Variants in MEGF8 observed in about 807,000 individuals in gnomAD.
MEGF8 encodes the protein multiple epidermal growth factor-like domains protein 8.
Under a neutral mutation model 302.9 loss-of-function variants are expected in MEGF8, and 156 were observed. The ratio of observed to expected loss-of-function variants is 0.52; its 90% CI spans 0.45 to 0.59. The LOEUF (loss-of-function observed/expected upper bound fraction) is 0.59, where lower values mean the gene tolerates loss of function less well. MEGF8 is among the 20% of genes least tolerant of loss of function. The pLI, the probability that MEGF8 is intolerant of heterozygous loss-of-function variation, is 0.00. For synonymous variants in MEGF8, 1,621 were observed against 1,660.5 expected (o/e 0.98, Z 0.58); for missense variants, 3,345 against 3,964.5 (o/e 0.84, Z 4.20).
chr19:42,376,108 G>A lies in MEGF8; in HGVS notation c.7871G>A (p.Gly2624Glu). The A allele has an allele frequency of 6.2e-7, 1 of 1,606,926 alleles. No homozygotes were observed. Among genetic ancestry groups the A allele is most frequent in the East Asian group, 2.2e-5 (1 of 44,870 alleles). The change falls in exon 42 of 42, where the codon GGG (glycine) becomes GAG (glutamate). Residue 2624 changes from glycine (G) to glutamate (E), a missense_variant. Physicochemically the swap from Gly to Glu is moderately conservative, Grantham distance 98. Transcript: ENST00000251268. This position sits in a 1 kb window ranked among gnomAD's most constrained non-coding sequence, Gnocchi z 8.2. ...LLLLGVGDPS[G>E]PGANGSADSQ... ...CTGCTGGGCGTGGGAGACCCAAGTGGGCCCGGCGCCAACGGCTCAGCCGAC... is the reference window on the plus strand; with the variant it reads ...CTGCTGGGCGTGGGAGACCCAAGTGAGCCCGGCGCCAACGGCTCAGCCGAC...
chr19:42,343,652 G>A (rs1263297581), intron 9 of MEGF8, 21 bp downstream of exon 9: 1 of 1,585,214 alleles, frequency 6.3e-7, no homozygotes, highest in Admixed American at 1.7e-5. Flanking sequence ...GGGTGACAGG[G>A]AAAGGGTGGC....
At position 42,353,233 on chromosome 19, in the gene MEGF8, G is replaced by A; in HGVS notation, c.3550+106G>A. On this transcript the variant is annotated intron_variant, in intron 20 of 41. Transcript: ENST00000251268. This position sits in a 1 kb window ranked among gnomAD's most constrained non-coding sequence, Gnocchi z 6.1. Reference sequence around the variant, plus strand: ...GGGGGCCTCAGTGTCCTCTCATGCAGCTCTAGGTCCCCTGCCCCATTCCTG... The same window carrying A: ...GGGGGCCTCAGTGTCCTCTCATGCAACTCTAGGTCCCCTGCCCCATTCCTG... 1 of 1,141,932 alleles carries A rather than the reference G, an allele frequency of 8.8e-7. No individual in the cohort carries two copies. The highest frequency in any genetic ancestry group is 1.2e-6 in the Non-Finnish European group (1 of 821,250). The allele number at this position is 1,141,932 out of a possible 1,614,324, so 70.7% of individuals were successfully genotyped here.
At chr19:42,329,875 GAA>G (rs773136200) in intron 1 of MEGF8, among the ~76,000 whole-genome samples, 17 of 124,472 alleles carry the variant, frequency 1.4e-4, no homozygotes, top group African/African-American at 1.8e-4. Context: ...CTGTCTCAGG[GAA>G]AAAAAAAAAA....
At chr19:42,342,464 C>T (rs2039227988) in intron 8 of MEGF8, among the ~76,000 whole-genome samples, 1 of 152,146 alleles carries the variant, frequency 6.6e-6, no homozygotes, top group African/African-American at 2.4e-5. Flanking sequence ...CAGTAAAACC[C>T]CGTTTTTACT....
chr19:42,337,838 C>T (rs941406911), intron 8 of MEGF8, among the ~76,000 whole-genome samples: 1 of 149,392 alleles, frequency 6.7e-6, no homozygotes, highest in African/African-American at 2.5e-5. Context: ...GAGTCTCGCT[C>T]CGTCGCCCGG....
rs1349836953 is a variant in MEGF8, at chr19:42,353,995, T to C, written c.3982T>C (p.Phe1328Leu). 6.3e-7 allele frequency: 1 copy of C among 1,585,072 alleles called. No homozygotes were observed. Among genetic ancestry groups the C allele is most frequent in the Non-Finnish European group, 8.6e-7 (1 of 1,166,136 alleles). ...GTLCPPLTLT[F>L]SPDSSTPCTL... ...CCTCTGTCCCCCACTCACCCTCACC[T>C]TCTCCCCCGACAGCAGCACCCCCTG... Residue 1328 changes from phenylalanine to leucine, a missense_variant, in exon 22 of 42, where the codon TTC (phenylalanine) becomes CTC (leucine). Phe to Leu is a conservative substitution (Grantham distance 22). Transcript: ENST00000251268. This position sits in a 1 kb window ranked among gnomAD's most constrained non-coding sequence, Gnocchi z 6.1.
Position 42,357,388 on chromosome 19 carries a change from C to T in MEGF8, c.4831-16C>T, listed in dbSNP as rs781325741. 3.7e-6 allele frequency: 6 copies of T among 1,610,166 alleles called. No individual in the cohort carries two copies. The highest frequency in any genetic ancestry group is 5.1e-6 in the Non-Finnish European group (6 of 1,177,500). On this transcript the variant is annotated splice_polypyrimidine_tract_variant and intron_variant, in intron 27 of 41. Transcript: ENST00000251268. The surrounding 1 kb of genome is among the most constrained non-coding windows in gnomAD (Gnocchi z 5.2). ...ACCTCTAGCCCCATCGGTGACCTTG[C>T]CCCTCCATCCCTCAGGCCCCCCAGA...
chr19:42,339,661 A>G (rs1462425924), intron 8 of MEGF8, among the ~76,000 whole-genome samples: 1 of 152,170 alleles, frequency 6.6e-6, no homozygotes, highest in Non-Finnish European at 1.5e-5. Flanking sequence ...CATTCTGTAC[A>G]TTGTTTACTC....
chr19:42,357,445 C>T lies in MEGF8; in HGVS notation c.4872C>T (p.Thr1624=), dbSNP rs1446682917. 1 of 1,613,780 alleles carries T rather than the reference C, an allele frequency of 6.2e-7. No individual in the cohort carries two copies. The highest frequency in any genetic ancestry group is 8.5e-7 in the Non-Finnish European group (1 of 1,179,790). ...TVELPAVAGH[T]LTARRGLSLL... is the part of the protein sequence containing the mutation. ...AGCTGCCAGCCGTTGCTGGTCACAC[C>T]CTTACTGCCCGCCGAGGCCTGTCTC... Residue 1624 remains threonine (T), a synonymous_variant, in exon 28 of 42, where the codon ACC becomes ACT. Coordinates refer to ENST00000251268, the MANE Select transcript of MEGF8 (RefSeq NM_001271938.2). The surrounding 1 kb of genome is among the most constrained non-coding windows in gnomAD (Gnocchi z 5.2).
chr19:42,336,421 G>A lies in MEGF8; in HGVS notation c.1244+75G>A. ...ACACCATAGGCCTTTAGTCTTTAGAGGTCTTTGCCCACTGTCGGACTCCTG... is the reference window on the plus strand; with the variant it reads ...ACACCATAGGCCTTTAGTCTTTAGAAGTCTTTGCCCACTGTCGGACTCCTG... On this transcript the variant is annotated intron_variant, in intron 6 of 41. Coordinates refer to ENST00000251268, the MANE Select transcript of MEGF8 (RefSeq NM_001271938.2). The surrounding 1 kb of genome is among the most constrained non-coding windows in gnomAD (Gnocchi z 4.8). 2.8e-6 allele frequency: 4 copies of A among 1,427,970 alleles called. No homozygotes were observed. The highest frequency in any genetic ancestry group is 3.7e-6 in the Non-Finnish European group (4 of 1,078,682). The allele number at this position is 1,427,970 out of a possible 1,614,324, so 88.5% of individuals were successfully genotyped here.
Position 42,368,983 on chromosome 19 carries a change from ACCGG to A in MEGF8, c.6624_6627del (p.Gly2209IlefsTer6). On this transcript the variant is annotated frameshift_variant, in exon 37 of 42. Transcript: ENST00000251268. LOFTEE classifies it high-confidence loss of function. This position sits in a 1 kb window ranked among gnomAD's most constrained non-coding sequence, Gnocchi z 4.9. ...CCACGGCTATGAGTGCAGCTGCAAGACCGGCTATACCATGGACAAGTGAGGCCGC... is the reference window on the plus strand; with the variant it reads ...CCACGGCTATGAGTGCAGCTGCAAGACTATACCATGGACAAGTGAGGCCGC... 6.2e-7 allele frequency: 1 copy of A among 1,613,668 alleles called. No individual in the cohort carries two copies. The highest frequency in any genetic ancestry group is 8.5e-7 in the Non-Finnish European group (1 of 1,179,870).
In MEGF8 at chr19:42,326,169, C is replaced by T; in HGVS notation, c.-75C>T. ...CCTATAGAGGTCGCATTTGCAGGGC[C>T]TCACCCCGGGTAGAGGGTCCTCTCC... On this transcript the variant is annotated 5_prime_UTR_variant, in exon 1 of 42. Coordinates refer to ENST00000251268, the MANE Select transcript of MEGF8 (RefSeq NM_001271938.2). 2 of 1,425,202 alleles carry T rather than the reference C, an allele frequency of 1.4e-6. No homozygotes were observed. Among genetic ancestry groups the T allele is most frequent in the South Asian group, 3.4e-5 (2 of 59,554 alleles). The allele number at this position is 1,425,202 out of a possible 1,614,324, so 88.3% of individuals were successfully genotyped here.
rs931274079 is a variant in MEGF8, at chr19:42,345,789, C to G, written c.2097+956C>G. Among the ~76,000 whole-genome samples, 10 of 152,310 alleles carry G rather than the reference C, an allele frequency of 6.6e-5. No individual in the cohort carries two copies. The South Asian group carries it at 2.1e-3, about 32-fold the overall frequency. On this transcript the variant is annotated intron_variant, in intron 12 of 41. Transcript: ENST00000251268. The stretch of plus-strand genomic sequence containing the variant: ...ACGTTTTTGTTTGAACATCTGTTTT[C>G]AATTCTTGTGGCTGTATACCTAGGA...
In MEGF8 at chr19:42,368,609, G is replaced by A; in HGVS notation, c.6428G>A (p.Gly2143Asp). 1 of 1,570,606 alleles carries A rather than the reference G, an allele frequency of 6.4e-7. No individual in the cohort carries two copies. The highest frequency in any genetic ancestry group is 8.6e-7 in the Non-Finnish European group (1 of 1,158,708). ...RPHCGWCAWG[G>D]QDGGGRCMEG... ...CATTGCGGCTGGTGTGCCTGGGGGG[G>A]CCAGGATGGGGGTGGCCGCTGCATG... Residue 2143 changes from glycine to aspartate, a missense_variant, in exon 36 of 42, where the codon GGC becomes GAC. By Grantham distance (94) the Gly-to-Asp change is moderately conservative. Coordinates refer to ENST00000251268, the MANE Select transcript of MEGF8 (RefSeq NM_001271938.2). This position sits in a 1 kb window ranked among gnomAD's most constrained non-coding sequence, Gnocchi z 4.9.
Position 42,371,269 on chromosome 19 carries a change from A to G in MEGF8, c.7137-81A>G, listed in dbSNP as rs537853340. On this transcript the variant is annotated intron_variant, in intron 40 of 41. Transcript: ENST00000251268. ...AGTTTCCTCTTCTGGCCTGTTGCAC[A>G]GAGTTGAGCTCACATATGGGGTGTC... The G allele has an allele frequency of 3.9e-6, 6 of 1,533,282 alleles. No homozygotes were observed. In the South Asian group the frequency reaches 7.4e-5, roughly 19 times the overall value. The allele number at this position is 1,533,282 out of a possible 1,614,324, so 95.0% of individuals were successfully genotyped here.
chr19:42,371,586 A>T (rs958085161), intron 41 of MEGF8, 104 bp downstream of exon 41: 1 of 1,497,590 alleles, frequency 6.7e-7, no homozygotes, highest in Non-Finnish European at 9.1e-7. Flanking sequence ...ACATGGTTCC[A>T]AATCAGTGGT....
Position 42,343,556 on chromosome 19 carries a change from G to A in MEGF8, c.1593G>A (p.Gly531=), listed in dbSNP as rs2039244352. ...LGGSVLLVAG[G]YSGRPRGDLM... is the part of the protein sequence containing the mutation. ...GCAGCGTCCTGTTGGTGGCTGGGGG[G>A]TACAGCGGCCGGCCCCGTGGGGACT... The change falls in exon 9 of 42, where the codon GGG becomes GGA. Residue 531 remains glycine (G), a synonymous_variant. Transcript: ENST00000251268. 2.5e-6 allele frequency: 4 copies of A among 1,613,552 alleles called. No homozygotes were observed. The African/African-American group carries it at 4.0e-5, about 16-fold the overall frequency.
chr19:42,352,177 T>C lies in MEGF8; in HGVS notation c.3102-31T>C. 1 of 1,482,886 alleles carries C rather than the reference T, an allele frequency of 6.7e-7. No homozygotes were observed. Among genetic ancestry groups the C allele is most frequent in the Non-Finnish European group, 9.0e-7 (1 of 1,113,032 alleles). The allele number at this position is 1,482,886 out of a possible 1,614,324, so 91.9% of individuals were successfully genotyped here. A position where few individuals can be genotyped will look rare whatever the true frequency, so the allele number is the denominator to read the frequency against. On this transcript the variant is annotated intron_variant, in intron 18 of 41. Transcript: ENST00000251268. This position sits in a 1 kb window ranked among gnomAD's most constrained non-coding sequence, Gnocchi z 4.4. ...ATGTATGGCTCCTGTTTCTATGTTG[T>C]CCCCCGCTTCTTCACTCTCCCACCC...
chr19:42,359,662 C>CT (rs2039503543), intron 31 of MEGF8, among the ~76,000 whole-genome samples: 1 of 151,770 alleles, frequency 6.6e-6, no homozygotes, highest in Non-Finnish European at 1.5e-5. Context: ...TTTCTTTTTG[C>CT]TTCTCTCTCT....
Sources: allele counts gnomAD v4.1 joint callset (sites outside exome capture counted in the v4.1 genomes callset), GRCh38; gene constraint gnomAD v4.1.1; non-coding constraint Gnocchi (gnomAD v3.1); transcripts MANE v1.5; gene names NCBI Gene and HGNC (gene_info 2026-07-23, HGNC 2026-07-21).